The following ACACA variants were observed in gnomAD, a reference collection of about 807,000 sequenced individuals.
ACACA encodes the protein acetyl-CoA carboxylase 1.
In ACACA, 103 loss-of-function variants were observed where a neutral mutation model predicts 296.1. The ratio of observed to expected loss-of-function variants is 0.35; its 90% CI spans 0.30 to 0.41. The LOEUF (loss-of-function observed/expected upper bound fraction) is 0.41. ACACA is among the 10% of genes least tolerant of loss of function. ACACA has a pLI of 1.00. For missense variants in ACACA, 1,554 were observed against 2,989.7 expected (o/e 0.52, Z 11.20); for synonymous variants, 953 against 1,038.6 (o/e 0.92, Z 1.58).
At chr17:37,282,845 G>GTC (rs1022534975) in intron 5 of ACACA, among the ~76,000 whole-genome samples, 16 of 151,944 alleles carry the variant, frequency 1.1e-4, no homozygotes, top group African/African-American at 3.1e-4. Context: ...GTCCCAAAAG[G>GTC]TCTCTCCCTC....
chr17:37,239,284 C>T (rs1401568896), intron 24 of ACACA, among the ~76,000 whole-genome samples: 2 of 152,120 alleles, frequency 1.3e-5, no homozygotes, highest in Non-Finnish European at 2.9e-5. Flanking sequence ...TTGAGGCTTT[C>T]TAAAGAGACA....
intron 14 of ACACA, 107 bp from the exon 15 acceptor site, chr17:37,253,143 A>G: frequency 1.3e-6 from 2 of 1,513,512 alleles, no homozygotes; most frequent in Non-Finnish European, 1.8e-6. Flanking sequence ...TGTAATCCTA[A>G]CACTTTGGGA....
Position 37,088,961 on chromosome 17 carries a change from G to A in ACACA, c.7005C>T (p.Asp2335=), listed in dbSNP as rs2072419650. 6.2e-7 allele frequency: 1 copy of A among 1,614,198 alleles called. No homozygotes were observed. The highest frequency in any genetic ancestry group is 8.5e-7 in the Non-Finnish European group (1 of 1,180,034). Residue 2335 remains aspartate (D), a synonymous_variant, in exon 55 of 56, where the codon GAC becomes GAT. Transcript: ENST00000616317. ...IEENIKCISR[D]YVLKQIRSLV... ...ACCTGCGGATTTGCTTGAGGACGTA[G>A]TCTCTGCTGATGCATTTGATGTTTT...
intron 3 of ACACA, among the ~76,000 whole-genome samples, chr17:37,287,729 C>G (rs1054963845): frequency 2.0e-5 from 3 of 148,702 alleles, no homozygotes; most frequent in African/African-American, 7.4e-5. Context: ...GGCGACAGAG[C>G]GAGACTCTGT....
chr17:37,284,181 A>G (rs2082669393), intron 4 of ACACA, among the ~76,000 whole-genome samples: 1 of 152,222 alleles, frequency 6.6e-6, no homozygotes, highest in South Asian at 2.1e-4. Flanking sequence ...CAAAAGTGAC[A>G]CGGAATTACA....
intron 29 of ACACA, among the ~76,000 whole-genome samples, chr17:37,219,707 AAC>A (rs1039598274): frequency 1.8e-4 from 26 of 148,374 alleles, no homozygotes; most frequent in Admixed American, 5.4e-4. Context: ...ATATATAAAA[AAC>A]ACATTTTTCA....
chr17:37,201,847 C>T lies in ACACA; in HGVS notation c.4057-1364G>A, dbSNP rs147508745. On this transcript the variant is annotated intron_variant, in intron 33 of 55. Coordinates refer to ENST00000616317, the MANE Select transcript of ACACA (RefSeq NM_198834.3). ...AAATTGTCTTCCCCTTATAAGGAAG[C>T]ACATTCTTGGGTTATTTCTTCCAAT... Among the ~76,000 whole-genome samples the T allele has an allele frequency of 2.2e-3, 341 of 152,262 alleles. 1 individual carries two copies. Among genetic ancestry groups the T allele is most frequent in the African/African-American group, 7.8e-3 (325 of 41,556 alleles).
At chr17:37,361,040 CTTTT>C (rs11442383) in intron 1 of ACACA, among the ~76,000 whole-genome samples, 2 of 137,138 alleles carry the variant, frequency 1.5e-5, no homozygotes, top group Admixed American at 7.4e-5. Flanking sequence ...CCCCAGGATT[CTTTT>C]TTTTTTTTTT....
intron 16 of ACACA, among the ~76,000 whole-genome samples, chr17:37,249,010 C>T (rs554373920): frequency 6.6e-6 from 1 of 152,274 alleles, no homozygotes; most frequent in African/African-American, 2.4e-5. Context: ...TAACAACTCC[C>T]AATTTCGCCC....
intron 31 of ACACA, 21 bp from the exon 32 acceptor site, chr17:37,206,900 A>C (rs370952603): frequency 6.3e-7 from 1 of 1,587,674 alleles, no homozygotes; most frequent in Non-Finnish European, 8.6e-7. Flanking sequence ...CAAGAGAAAC[A>C]CCCACCATGA....
intron 50 of ACACA, among the ~76,000 whole-genome samples, chr17:37,117,405 GA>G (rs1200877246): frequency 6.6e-6 from 1 of 152,036 alleles, no homozygotes; most frequent in Non-Finnish European, 1.5e-5. Flanking sequence ...CCTGTCCCAG[GA>G]AAAAATAATA....
intron 3 of ACACA, among the ~76,000 whole-genome samples, chr17:37,291,922 T>G (rs2083088250): frequency 6.6e-6 from 1 of 152,122 alleles, no homozygotes; most frequent in Non-Finnish European, 1.5e-5. Flanking sequence ...TAGGAGAATT[T>G]TTTTTTTCAT....
intron 11 of ACACA, among the ~76,000 whole-genome samples, chr17:37,262,677 A>G (rs2081567970): frequency 6.6e-6 from 1 of 152,174 alleles, no homozygotes; most frequent in Admixed American, 6.6e-5. Flanking sequence ...TCTCTGAACT[A>G]TGATGAAAGA....
At chr17:37,402,817 C>T (rs1170260774) in intron 1 of ACACA, among the ~76,000 whole-genome samples, 1 of 152,010 alleles carries the variant, frequency 6.6e-6, no homozygotes, top group Non-Finnish European at 1.5e-5. Context: ...GGACTACAGG[C>T]GCCCACCACC....
In ACACA at chr17:37,243,530, T is replaced by G; in HGVS notation, c.2772A>C (p.Lys924Asn). 1 of 1,614,008 alleles carries G rather than the reference T, an allele frequency of 6.2e-7. No individual in the cohort carries two copies. Among genetic ancestry groups the G allele is most frequent in the Non-Finnish European group, 8.5e-7 (1 of 1,180,022 alleles). Residue 924 changes from lysine to asparagine, a missense_variant, in exon 22 of 56, where the codon AAA becomes AAC. Coordinates refer to ENST00000616317, the MANE Select transcript of ACACA (RefSeq NM_198834.3). ...GAGGCAGGGAGGGATCTCTGAGGGT[T>G]TTCATCAATCGCTCTACCCAGTCTT... ...KVKDWVERLM[K>N]TLRDPSLPLL... is the part of the protein sequence containing the mutation.
At chr17:37,116,955 A>G (rs2074286396) in intron 50 of ACACA, among the ~76,000 whole-genome samples, 1 of 152,210 alleles carries the variant, frequency 6.6e-6, no homozygotes, top group East Asian at 1.9e-4. Context: ...AAATACTGAT[A>G]GGTTCCTCAC....
intron 45 of ACACA, among the ~76,000 whole-genome samples, chr17:37,148,230 TA>T (rs755283220): frequency 1.9e-3 from 254 of 135,826 alleles, no homozygotes; most frequent in Middle Eastern, 7.1e-3. Context: ...AAGAGCAACT[TA>T]AAAAAAAAAA....
intron 3 of ACACA, among the ~76,000 whole-genome samples, chr17:37,327,890 C>T (rs1012299451): frequency 1.3e-5 from 2 of 152,158 alleles, no homozygotes; most frequent in Non-Finnish European, 2.9e-5. Context: ...TGCAAGTAGT[C>T]CTGCCAGTCA....
At position 37,330,164 on chromosome 17, in the gene ACACA, C is replaced by T; in HGVS notation, c.338+9G>A. 6.2e-7 allele frequency: 1 copy of T among 1,614,090 alleles called. No homozygotes were observed. Among genetic ancestry groups the T allele is most frequent in the Non-Finnish European group, 8.5e-7 (1 of 1,179,990 alleles). On this transcript the variant is annotated intron_variant, in intron 3 of 55. Coordinates refer to ENST00000616317, the MANE Select transcript of ACACA (RefSeq NM_198834.3). The stretch of plus-strand genomic sequence containing the variant: ...GATTAAATAAGTAGACCATTGAACT[C>T]TCTCTTACCTTATGTGCAAGGCCAA...
Sources: gnomAD v4.1 joint callset for allele counts (sites outside exome capture counted in the v4.1 genomes callset) on GRCh38, gnomAD v4.1.1 for gene constraint, MANE v1.5 for transcripts, NCBI Gene and HGNC (gene_info 2026-07-23, HGNC 2026-07-21) for gene names.